CYRIB: variants seen among roughly 807,000 people sequenced by gnomAD.
CYRIB encodes the protein CYFIP-related Rac1 interactor B.
A neutral mutation model predicts 44.2 loss-of-function variants in CYRIB; 8 were observed. The ratio of observed to expected loss-of-function variants is 0.18; its 90% confidence interval spans 0.11 to 0.33. The LOEUF is 0.33. Among genes scored for constraint, CYRIB ranks in the 10% least tolerant of loss-of-function variants. The probability of loss-of-function intolerance (pLI) is 1.00; values close to 1 mark genes in which losing one functional copy is unlikely to be tolerated. For missense variants in CYRIB, 185 were observed against 382.8 expected, an observed-to-expected ratio of 0.48 and a Z score of 4.31; for synonymous variants, 131 against 127.2, an observed-to-expected ratio of 1.03 and a Z score of -0.20.
At chr8:130,006,597 TATATATATAC>T (rs1196797141) in intron 1 of CYRIB, among the ~76,000 whole-genome samples, 1 of 47,150 alleles carries the variant, frequency 2.1e-5, no homozygotes, top group African/African-American at 1.3e-4. Context: ...ACACAAATTA[TATATATATAC>T]ATATATATGT....
At chr8:129,948,313 T>G (rs1265252438) in intron 2 of CYRIB, among the ~76,000 whole-genome samples, 1 of 151,796 alleles carries the variant, frequency 6.6e-6, no homozygotes, top group African/African-American at 2.4e-5. Flanking sequence ...CGAGGAGAGG[T>G]TTTTCCCAAG....
At chr8:129,964,016 G>A (rs1163444116) in intron 2 of CYRIB, among the ~76,000 whole-genome samples, 1 of 152,192 alleles carries the variant, frequency 6.6e-6, no homozygotes, top group Non-Finnish European at 1.5e-5. Flanking sequence ...GATGATCAAG[G>A]GAAGGGGAAG....
At position 129,924,838 on chromosome 8, in the gene CYRIB, T is replaced by C. The variant is rs77384827; in HGVS notation, c.-50+14770A>G. ...AAAAAAATAAAAAAACTTAGCCAGATGTGGTGGTGCATACCTATAGTCCCA... is the reference window on the plus strand; with the variant it reads ...AAAAAAATAAAAAAACTTAGCCAGACGTGGTGGTGCATACCTATAGTCCCA... On this transcript the variant is annotated intron_variant, in intron 1 of 11. Coordinates refer to ENST00000519824, the Ensembl canonical transcript of CYRIB. Among the ~76,000 whole-genome samples, 1,104 of 152,190 alleles carry C rather than the reference T, an allele frequency of 7.3e-3. 7 individuals carry two copies. The highest frequency in any genetic ancestry group is 0.011 in the Non-Finnish European group (773 of 68,002).
At position 129,884,012 on chromosome 8, in the gene CYRIB, G is replaced by C. The variant is rs145048724; in HGVS notation, c.-10-4541C>G. On this transcript the variant is annotated intron_variant, in intron 2 of 11. Transcript: ENST00000519824. ...TGTGGCAGTCATACTTCCTGCCCTAGAGGATGGCAGTCTATCACAAGAGAA... is the reference window on the plus strand; with the variant it reads ...TGTGGCAGTCATACTTCCTGCCCTACAGGATGGCAGTCTATCACAAGAGAA... Among the ~76,000 whole-genome samples, 562 of 152,270 alleles carry C rather than the reference G, an allele frequency of 3.7e-3. 4 individuals carry two copies. Among genetic ancestry groups the C allele is most frequent in the African/African-American group, 0.013 (544 of 41,554 alleles).
At chr8:129,913,029 T>C (rs1471277033) in intron 1 of CYRIB, among the ~76,000 whole-genome samples, 2 of 148,828 alleles carry the variant, frequency 1.3e-5, no homozygotes, top group Non-Finnish European at 3.0e-5. Context: ...TGGAGTGCAG[T>C]GGCATGATCT....
chr8:130,013,030 G>T (rs909222140), intron 1 of CYRIB, among the ~76,000 whole-genome samples: 1 of 152,166 alleles, frequency 6.6e-6, no homozygotes, highest in Admixed American at 6.6e-5. Flanking sequence ...CCTCCCACCC[G>T]AATTTCCTTC....
At chr8:129,888,299 A>T (rs1384768335) in intron 2 of CYRIB, among the ~76,000 whole-genome samples, 1 of 152,162 alleles carries the variant, frequency 6.6e-6, no homozygotes, top group African/African-American at 2.4e-5. Context: ...AGGTTTCCTG[A>T]GACCTTCCCA....
At position 129,950,806 on chromosome 8, in the gene CYRIB, C is replaced by T. The variant is rs147947164; in HGVS notation, c.-243+20137G>A. Among the ~76,000 whole-genome samples, 1,194 of 152,250 alleles carry T rather than the reference C, an allele frequency of 7.8e-3. 14 individuals carry two copies. Among genetic ancestry groups the T allele is most frequent in the African/African-American group, 0.027 (1,139 of 41,542 alleles). ...AGCCAGACACAAATTAAATTTCCCA[C>T]TATAGGGAAAGGGCATAGTAGGATT... On this transcript the variant is annotated intron_variant, in intron 2 of 14. Transcript: ENST00000401979.
intron 2 of CYRIB, among the ~76,000 whole-genome samples, chr8:129,969,386 C>A (rs1398228246): frequency 6.6e-6 from 1 of 152,194 alleles, no homozygotes; most frequent in African/African-American, 2.4e-5. Context: ...ATATTTCCAT[C>A]AATTCTGTAT....
intron 5 of CYRIB, among the ~76,000 whole-genome samples, chr8:129,858,756 GC>G (rs1331980688): frequency 6.6e-6 from 1 of 152,174 alleles, no homozygotes; most frequent in African/African-American, 2.4e-5. Flanking sequence ...CCTAATGTAA[GC>G]CCCTAAAGCA....
At chr8:129,893,737 G>A (rs1377139074) in intron 2 of CYRIB, among the ~76,000 whole-genome samples, 1 of 151,684 alleles carries the variant, frequency 6.6e-6, no homozygotes, top group Non-Finnish European at 1.5e-5. Context: ...TTCTCGCTAT[G>A]TTGTCCAGGC....
At chr8:129,844,796 C>G (rs1037062214) in intron 11 of CYRIB, among the ~76,000 whole-genome samples, 2 of 152,172 alleles carry the variant, frequency 1.3e-5, no homozygotes, top group African/African-American at 4.8e-5. Context: ...TTTGGGGTTA[C>G]AAAATGCTTT....
intron 5 of CYRIB, among the ~76,000 whole-genome samples, chr8:129,859,543 A>T (rs888509433): frequency 1.3e-5 from 2 of 152,082 alleles, no homozygotes; most frequent in Admixed American, 1.3e-4. Flanking sequence ...CTACCGCTAG[A>T]CCACAGTCCG....
At chr8:129,863,715 C>A (rs986167749) in intron 4 of CYRIB, among the ~76,000 whole-genome samples, 3 of 152,014 alleles carry the variant, frequency 2.0e-5, no homozygotes, top group African/African-American at 7.3e-5. Context: ...TTCTTCTATA[C>A]CCAGTCTTTC....
At chr8:129,919,843 A>G (rs975437499) in intron 1 of CYRIB, among the ~76,000 whole-genome samples, 1 of 152,202 alleles carries the variant, frequency 6.6e-6, no homozygotes, top group African/African-American at 2.4e-5. Context: ...AAAATCCTTA[A>G]GAAAAAGGCT....
At chr8:129,995,091 G>C (rs1035764036) in intron 1 of CYRIB, among the ~76,000 whole-genome samples, 1 of 152,196 alleles carries the variant, frequency 6.6e-6, no homozygotes, top group Admixed American at 6.5e-5. Context: ...CCCCCAACCA[G>C]GAAGGTGGGT....
chr8:129,885,650 T>A (rs2062451754), intron 2 of CYRIB, among the ~76,000 whole-genome samples: 1 of 151,992 alleles, frequency 6.6e-6, no homozygotes. Flanking sequence ...TGACAACCAA[T>A]AACGCCTCCA....
chr8:129,966,252 C>T (rs1337291610), intron 2 of CYRIB, among the ~76,000 whole-genome samples: 5 of 152,208 alleles, frequency 3.3e-5, no homozygotes, highest in African/African-American at 1.2e-4. Context: ...TCTTCACACA[C>T]ATTTATAACT....
chr8:129,927,491 C>T (rs1322527138), intron 1 of CYRIB, among the ~76,000 whole-genome samples: 1 of 152,140 alleles, frequency 6.6e-6, no homozygotes, highest in Non-Finnish European at 1.5e-5. Context: ...TCTCTTAAAG[C>T]TGACAATAAA....
Sources: allele counts gnomAD v4.1 joint callset (sites outside exome capture counted in the v4.1 genomes callset), GRCh38; gene constraint gnomAD v4.1.1; transcripts MANE v1.5; gene names NCBI Gene and HGNC (gene_info 2026-07-23, HGNC 2026-07-21).